The following PEAK1 variants were observed in gnomAD, a reference collection of about 807,000 sequenced individuals.
PEAK1 encodes the protein pseudopodium enriched atypical kinase 1, also known as inactive tyrosine-protein kinase PEAK1.
PEAK1 carries 54 observed loss-of-function variants against 124.7 expected under a neutral mutation model. The ratio of observed to expected loss-of-function variants is 0.43; its 90% CI spans 0.35 to 0.54. The LOEUF (loss-of-function observed/expected upper bound fraction) is 0.54. Ranked by LOEUF, PEAK1 falls within the 20% of genes least tolerant of loss-of-function variation. PEAK1 has a pLI of 0.01. For synonymous variants in PEAK1, 719 were observed against 760.0 expected, an observed-to-expected ratio of 0.95 and a Z score of 0.89; for missense variants, 2,046 against 2,134.5, an observed-to-expected ratio of 0.96 and a Z score of 0.82.
chr15:77,131,983 T>C (rs2152739361), intron 9 of PEAK1, among the ~76,000 whole-genome samples: 1 of 152,248 alleles, frequency 6.6e-6, no homozygotes, highest in East Asian at 1.9e-4. Context: ...ATCATGCCAC[T>C]GCACTCCAGC....
rs1340655638 is a variant in PEAK1 at position 77,419,259 on chromosome 15, G to A, written c.-666+747C>T. 1.1e-5 allele frequency: 11 copies of A among 985,234 alleles called. No individual in the cohort carries two copies. The South Asian group carries it at 3.8e-4, about 34-fold the overall frequency. The allele number at this position is 985,234 out of a possible 1,614,324, so 61.0% of individuals were successfully genotyped here. A position where few individuals can be genotyped will look rare whatever the true frequency, so the allele number is the denominator to read the frequency against. ...GCAATCTTTAACGTAGCCAAAGGAG[G>A]AAAAAACGAAATCAAGCTCCCAGAC... On this transcript the variant is annotated intron_variant, in intron 1 of 9. Coordinates refer to ENST00000682557, the MANE Select transcript of PEAK1 (RefSeq NM_001385026.1).
chr15:77,335,524 G>A (rs1322865633), intron 2 of PEAK1: 3 of 979,160 alleles, frequency 3.1e-6, no homozygotes, highest in Non-Finnish European at 3.6e-6. Context: ...TTGTTGCCCA[G>A]GTTGGATCAC....
intron 6 of PEAK1, among the ~76,000 whole-genome samples, chr15:77,250,154 T>C (rs1382554248): frequency 1.4e-5 from 2 of 141,946 alleles, no homozygotes; most frequent in African/African-American, 2.7e-5. Flanking sequence ...GATATATATA[T>C]ACATATATAT....
At chr15:77,325,877 A>G (rs2065541826) in intron 2 of PEAK1, among the ~76,000 whole-genome samples, 1 of 152,138 alleles carries the variant, frequency 6.6e-6, no homozygotes, top group Non-Finnish European at 1.5e-5. Flanking sequence ...TGGTTACCTT[A>G]TATAAAGTTA....
intron 6 of PEAK1, among the ~76,000 whole-genome samples, chr15:77,250,236 T>C (rs1163271838): frequency 8.4e-6 from 1 of 118,944 alleles, no homozygotes; most frequent in East Asian, 2.1e-4. Context: ...TATATATGTA[T>C]ATGTATATAT....
At chr15:77,364,249 C>T (rs897403205) in intron 2 of PEAK1, among the ~76,000 whole-genome samples, 3 of 151,992 alleles carry the variant, frequency 2.0e-5, no homozygotes, top group Non-Finnish European at 4.4e-5. Flanking sequence ...GTGATGGTTG[C>T]ACATCTCTGT....
chr15:77,363,255 C>T (rs986962090), intron 2 of PEAK1, among the ~76,000 whole-genome samples: 7 of 152,160 alleles, frequency 4.6e-5, no homozygotes, highest in Non-Finnish European at 5.9e-5. Flanking sequence ...ATACCTGGTG[C>T]ACTGACATCT....
chr15:77,372,325 C>A (rs993323845), intron 1 of PEAK1, among the ~76,000 whole-genome samples: 3 of 152,176 alleles, frequency 2.0e-5, no homozygotes, highest in African/African-American at 7.2e-5. Context: ...TGACAGGCAA[C>A]AAGAATCTGA....
intron 1 of PEAK1, among the ~76,000 whole-genome samples, chr15:77,416,542 C>T (rs2072897947): frequency 6.6e-6 from 1 of 152,166 alleles, no homozygotes; most frequent in African/African-American, 2.4e-5. Flanking sequence ...GATTCTACCA[C>T]AGCATAATTT....
intron 5 of PEAK1, among the ~76,000 whole-genome samples, chr15:77,260,013 G>A (rs2061357705): frequency 6.6e-6 from 1 of 152,022 alleles, no homozygotes; most frequent in African/African-American, 2.4e-5. Flanking sequence ...AATTTTTTTT[G>A]AGACCAGAGA....
chr15:77,377,780 T>C (rs2069147665), intron 1 of PEAK1, among the ~76,000 whole-genome samples: 1 of 152,176 alleles, frequency 6.6e-6, no homozygotes, highest in Non-Finnish European at 1.5e-5. Flanking sequence ...AACAATGTTA[T>C]ACTCTTATGT....
At chr15:77,220,635 C>T (rs1596682668) in intron 6 of PEAK1, among the ~76,000 whole-genome samples, 1 of 150,908 alleles carries the variant, frequency 6.6e-6, no homozygotes, top group African/African-American at 2.4e-5. Context: ...AAAGTAAAAG[C>T]AAACAAAGTA....
chr15:77,420,140 C>T (rs1480238066), upstream of PEAK1: 4 of 150,174 alleles, frequency 2.7e-5, no homozygotes, highest in Non-Finnish European at 5.9e-5. Flanking sequence ...GCGGCCGAGT[C>T]CACCGCGCGC....
intron 1 of PEAK1, among the ~76,000 whole-genome samples, chr15:77,410,154 C>A (rs1403977191): frequency 2.6e-5 from 4 of 151,014 alleles, no homozygotes. Flanking sequence ...TCACCATGAT[C>A]TCGGCTCACT....
intron 8 of PEAK1, among the ~76,000 whole-genome samples, chr15:77,135,185 T>C (rs746276148): frequency 1.3e-5 from 2 of 152,236 alleles, no homozygotes; most frequent in African/African-American, 2.4e-5. Flanking sequence ...GGTACTTTTT[T>C]ACAGCAGTCC....
intron 6 of PEAK1, among the ~76,000 whole-genome samples, chr15:77,231,620 T>C (rs1165553544): frequency 1.3e-5 from 2 of 152,174 alleles, no homozygotes; most frequent in African/African-American, 4.8e-5. Flanking sequence ...AGAGTATAAT[T>C]TTCTTTTCAG....
Position 77,182,749 on chromosome 15 carries a change from CAAAA to C in PEAK1, c.-114-713_-114-710del, listed in dbSNP as rs71143395. ...TGGGTGACAGAGTGAGACCTTGTCT[CAAAA>C]AAAAAAAAAAAAAAAAGGCTGAAAA... On this transcript the variant is annotated intron_variant, in intron 6 of 9. Transcript: ENST00000682557. 5.9e-3 allele frequency among the ~76,000 whole-genome samples: 386 copies of C among 65,144 alleles called. 4 individuals are homozygous for C. The highest frequency in any genetic ancestry group is 0.022 in the African/African-American group (355 of 16,198). 42.7% of individuals were successfully genotyped at this position (65,144 alleles called of 152,430 possible).
chr15:77,320,560 G>GC (rs2065138460), intron 2 of PEAK1, among the ~76,000 whole-genome samples: 1 of 152,098 alleles, frequency 6.6e-6, no homozygotes, highest in South Asian at 2.1e-4. Flanking sequence ...GTAGTTCATT[G>GC]TTTTTCGTAT....
intron 5 of PEAK1, among the ~76,000 whole-genome samples, chr15:77,264,522 C>A (rs2061612090): frequency 1.3e-5 from 2 of 152,136 alleles, no homozygotes; most frequent in East Asian, 1.9e-4. Flanking sequence ...AAAGAGAATA[C>A]AATACCTAGG....
Sources: gnomAD v4.1 joint callset for allele counts (sites outside exome capture counted in the v4.1 genomes callset) on GRCh38, gnomAD v4.1.1 for gene constraint, MANE v1.5 for transcripts, NCBI Gene and HGNC (gene_info 2026-07-23, HGNC 2026-07-21) for gene names.